RHOBTB3: variants seen among roughly 807,000 people sequenced by gnomAD.
RHOBTB3 encodes the protein rho-related BTB domain-containing protein 3.
In RHOBTB3, 47 loss-of-function variants were observed where a neutral mutation model predicts 67.2. The observed-to-expected ratio is 0.70, with a 90% CI of 0.55 to 0.89. The LOEUF (loss-of-function observed/expected upper bound fraction) is 0.89, where lower values mean the gene tolerates loss of function less well. RHOBTB3 is among the 40% of genes least tolerant of loss of function. RHOBTB3 has a pLI of 0.00. For synonymous variants in RHOBTB3, 273 were observed against 274.2 expected (o/e 1.00, Z 0.04); for missense variants, 631 against 750.0 (o/e 0.84, Z 1.85).
At chr5:95,770,186 T>A (rs1745665970) in intron 8 of RHOBTB3, 1 of 267,406 alleles carries the variant, frequency 3.7e-6, no homozygotes, top group Non-Finnish European at 7.8e-6. Context: ...AGTGAATGAA[T>A]GGCAAAACTT....
chr5:95,764,112 A>G (rs1745475140), intron 7 of RHOBTB3, among the ~76,000 whole-genome samples: 1 of 152,190 alleles, frequency 6.6e-6, no homozygotes, highest in Non-Finnish European at 1.5e-5. Flanking sequence ...ACTCGGCCCT[A>G]TCTTAGACTT....
At chr5:95,747,442 C>T (rs916680363) in intron 3 of RHOBTB3, among the ~76,000 whole-genome samples, 2 of 152,240 alleles carry the variant, frequency 1.3e-5, no homozygotes, top group South Asian at 4.1e-4. Flanking sequence ...TCTACAACAA[C>T]ATGCATTTCT....
At chr5:95,739,825 G>A (rs927980668) in intron 3 of RHOBTB3, among the ~76,000 whole-genome samples, 3 of 152,154 alleles carry the variant, frequency 2.0e-5, no homozygotes, top group African/African-American at 7.2e-5. Flanking sequence ...GGTTACAGGC[G>A]TGAGCCACCA....
chr5:95,731,365 G>A lies in RHOBTB3; in HGVS notation c.-318G>A. On this transcript the variant is annotated 5_prime_UTR_variant, in exon 1 of 12. Transcript: ENST00000379982. ...GGAGGCGACAGCTGCCAGCCGAGGA[G>A]GCGCGGCGGAGAGGGGACTGCGGTC... 8.7e-7 allele frequency: 1 copy of A among 1,144,452 alleles called. No individual in the cohort carries two copies. Among genetic ancestry groups the A allele is most frequent in the Non-Finnish European group, 1.1e-6 (1 of 935,096 alleles). 70.9% of individuals were successfully genotyped at this position (1,144,452 alleles called of 1,614,324 possible). A position where few individuals can be genotyped will look rare whatever the true frequency, so the allele number is the denominator to read the frequency against.
At chr5:95,747,642 A>T (rs575889922) in intron 3 of RHOBTB3, among the ~76,000 whole-genome samples, 102 of 152,346 alleles carry the variant, frequency 6.7e-4, no homozygotes, top group Non-Finnish European at 1.2e-3. Context: ...TACATGGTAC[A>T]ACTGTGAATT....
intron 1 of RHOBTB3, among the ~76,000 whole-genome samples, chr5:95,722,890 A>C (rs1414535917): frequency 6.6e-6 from 1 of 152,258 alleles, no homozygotes; most frequent in Non-Finnish European, 1.5e-5. Flanking sequence ...ACTAGTAGAA[A>C]CAGGGAGTTC....
chr5:95,763,655 C>A (rs1745454980), intron 7 of RHOBTB3, 35 bp downstream of exon 7: 3 of 1,246,222 alleles, frequency 2.4e-6, no homozygotes, highest in African/African-American at 1.5e-5. Flanking sequence ...TTTACTTTGA[C>A]CCTCTGAATT....
intron 3 of RHOBTB3, among the ~76,000 whole-genome samples, chr5:95,747,460 A>T (rs191509885): frequency 3.9e-5 from 6 of 152,298 alleles, no homozygotes; most frequent in Admixed American, 3.9e-4. Context: ...TCTAGAAATG[A>T]ATTTACCCTC....
In RHOBTB3 at chr5:95,748,433, T is replaced by G; in HGVS notation, c.516T>G (p.Tyr172Ter). The part of the protein sequence containing the change: ...IQLAKELGAT[Y>*]LELHSLDDFY... ...TTGCAAAAGAACTAGGAGCGACCTA[T>G]CTTGAACTCCACAGCCTTGATGACT... Residue 172 changes from tyrosine (Y) to a stop codon, truncating the protein, a stop_gained, in exon 4 of 12, where the codon TAT becomes TAG. Transcript: ENST00000379982. LOFTEE classifies it high-confidence loss of function. 6.2e-7 allele frequency: 1 copy of G among 1,613,684 alleles called. No individual in the cohort carries two copies.
chr5:95,791,279 G>A (rs1016584227), intron 11 of RHOBTB3, among the ~76,000 whole-genome samples: 3 of 152,092 alleles, frequency 2.0e-5, no homozygotes, highest in African/African-American at 7.2e-5. Context: ...CAGTTAAATA[G>A]GTCATTAAGT....
At chr5:95,787,626 T>G (rs1350826380) in intron 10 of RHOBTB3, among the ~76,000 whole-genome samples, 2 of 152,208 alleles carry the variant, frequency 1.3e-5, no homozygotes, top group African/African-American at 2.4e-5. Flanking sequence ...GGTGAAGAGA[T>G]AAACAAAATG....
At position 95,739,787 on chromosome 5, in the gene RHOBTB3, T is replaced by TG. The variant is rs200851553; in HGVS notation, c.415+2713dup. 5.6e-3 allele frequency among the ~76,000 whole-genome samples: 858 copies of TG among 152,300 alleles called. 14 individuals are homozygous for TG. The highest frequency in any genetic ancestry group is 0.019 in the African/African-American group (790 of 41,570). ...CTCCATCTCCTAGACTCAAGCCATC[T>TG]GCCCCCCTCAGTCTCCCAAAGTGCT... On this transcript the variant is annotated intron_variant, in intron 3 of 11. Coordinates refer to ENST00000379982, the MANE Select transcript of RHOBTB3 (RefSeq NM_014899.4).
chr5:95,753,634 G>A (rs1470895218), intron 5 of RHOBTB3, among the ~76,000 whole-genome samples: 2 of 152,076 alleles, frequency 1.3e-5, no homozygotes, highest in Admixed American at 6.5e-5. Flanking sequence ...AAAGTGAAAG[G>A]GGAGACATGG....
At chr5:95,755,362 G>T in intron 5 of RHOBTB3, 34 bp from the exon 6 acceptor site, 1 of 1,445,268 alleles carries the variant, frequency 6.9e-7, no homozygotes, top group South Asian at 1.7e-5. Flanking sequence ...AACCTGAAAG[G>T]AGTTTATTAT....
intron 3 of RHOBTB3, among the ~76,000 whole-genome samples, chr5:95,744,379 C>T (rs909313607): frequency 9.2e-5 from 14 of 152,132 alleles, no homozygotes; most frequent in African/African-American, 3.4e-4. Context: ...TGGCTTTGGA[C>T]ATCTTTATTT....
intron 8 of RHOBTB3, among the ~76,000 whole-genome samples, chr5:95,774,629 A>G (rs943834727): frequency 7.2e-5 from 11 of 152,222 alleles, no homozygotes; most frequent in Non-Finnish European, 1.6e-4. Context: ...CATCTGTAAG[A>G]CATCATAAAT....
Position 95,752,242 on chromosome 5 carries a change from G to C in RHOBTB3, c.574G>C (p.Glu192Gln). The change falls in exon 5 of 12, where the codon GAG (glutamate) becomes CAG (glutamine). Residue 192 changes from glutamate (E) to glutamine (Q), a missense_variant. Coordinates refer to ENST00000379982, the MANE Select transcript of RHOBTB3 (RefSeq NM_014899.4). ...YIGKYFGGVLEYFMIQALNQK... is the reference protein window; with the variant it reads ...YIGKYFGGVLQYFMIQALNQK... ...TAAAATTTGATTCCTGTTTTAGTTG[G>C]AGTATTTTATGATTCAAGCCTTAAA... The C allele has an allele frequency of 1.3e-6, 2 of 1,528,062 alleles. No homozygotes were observed. The highest frequency in any genetic ancestry group is 1.8e-6 in the Non-Finnish European group (2 of 1,118,344). 94.7% of individuals were successfully genotyped at this position (1,528,062 alleles called of 1,614,324 possible). A position where few individuals can be genotyped will look rare whatever the true frequency, so the allele number is the denominator to read the frequency against.
At chr5:95,732,413 A>G (rs1755313787) in intron 2 of RHOBTB3, 1 of 549,852 alleles carries the variant, frequency 1.8e-6, no homozygotes, top group Admixed American at 3.3e-5. Flanking sequence ...TCATCAGCAA[A>G]AAGCAGTGTT....
intron 11 of RHOBTB3, 89 bp downstream of exon 11, chr5:95,788,947 C>A: frequency 1.3e-6 from 1 of 781,488 alleles, no homozygotes; most frequent in Non-Finnish European, 2.0e-6. Flanking sequence ...GTACTTTTAG[C>A]AAAATAAGAA....
Sources: gnomAD v4.1 joint callset for allele counts (sites outside exome capture counted in the v4.1 genomes callset) on GRCh38, gnomAD v4.1.1 for gene constraint, MANE v1.5 for transcripts, NCBI Gene and HGNC (gene_info 2026-07-23, HGNC 2026-07-21) for gene names.